The following SNX3 variants were observed in gnomAD, a reference collection of about 807,000 sequenced individuals.
SNX3 encodes the protein sorting nexin-3.
In SNX3, 5 loss-of-function variants were observed where a neutral mutation model predicts 17.7. The ratio of observed to expected loss-of-function variants is 0.28; its 90% CI spans 0.15 to 0.59. SNX3 has a LOEUF of 0.59. Ranked by LOEUF, SNX3 falls within the 20% of genes least tolerant of loss-of-function variation. SNX3 has a pLI of 0.88. For synonymous variants in SNX3, 91 were observed against 76.5 expected, an observed-to-expected ratio of 1.19 and a Z score of -0.99; for missense variants, 132 against 206.8, an observed-to-expected ratio of 0.64 and a Z score of 2.22.
At chr6:108,252,090 AC>A (rs68107708) in intron 1 of SNX3, 10,263 of 147,772 alleles carry the variant, frequency 0.069, 525 homozygotes, top group Admixed American at 0.15. Flanking sequence ...AATAAAACAA[AC>A]AAACAAACAA....
chr6:108,225,395 A>AAGACCAGCCTGGGCAAG (rs956915661), intron 1 of SNX3, among the ~76,000 whole-genome samples: 3 of 151,956 alleles, frequency 2.0e-5, no homozygotes, highest in Non-Finnish European at 4.4e-5. Flanking sequence ...TCAGGAGTTC[A>AAGACCAGCCTGGGCAAG]AGACCAGCCT....
At chr6:108,254,136 A>G (rs1775960797) in intron 1 of SNX3, among the ~76,000 whole-genome samples, 1 of 151,552 alleles carries the variant, frequency 6.6e-6, no homozygotes, top group South Asian at 2.1e-4. Context: ...CAAAGAAAAA[A>G]AAAAAAACCG....
At chr6:108,226,329 C>T (rs1349666416) in intron 1 of SNX3, among the ~76,000 whole-genome samples, 2 of 152,144 alleles carry the variant, frequency 1.3e-5, no homozygotes, top group Non-Finnish European at 2.9e-5. Flanking sequence ...CTGTATTGGA[C>T]TCCCAAAGTG....
At chr6:108,250,642 G>C (rs187980019) in intron 1 of SNX3, among the ~76,000 whole-genome samples, 9 of 152,234 alleles carry the variant, frequency 5.9e-5, no homozygotes, top group Admixed American at 2.0e-4. Context: ...AGAGGGGTGA[G>C]ATACCAAGAC....
At chr6:108,254,901 A>G (rs942836696) in intron 1 of SNX3, among the ~76,000 whole-genome samples, 1 of 152,234 alleles carries the variant, frequency 6.6e-6, no homozygotes, top group Admixed American at 6.5e-5. Flanking sequence ...AAAAGAACTC[A>G]GCTTAATTGG....
chr6:108,222,328 G>T (rs977566703), intron 2 of SNX3: 1 of 1,303,782 alleles, frequency 7.7e-7, no homozygotes, highest in Non-Finnish European at 1.0e-6. Context: ...GGGCTGAAAT[G>T]AGAGACACCA....
chr6:108,231,258 TG>T (rs1221304029), intron 1 of SNX3, among the ~76,000 whole-genome samples: 1 of 152,148 alleles, frequency 6.6e-6, no homozygotes, highest in African/African-American at 2.4e-5. Context: ...GCTAATTTTT[TG>T]TATCTTTAGT....
At chr6:108,214,427 T>C in intron 3 of SNX3, 71 bp downstream of exon 3, 1 of 1,493,340 alleles carries the variant, frequency 6.7e-7, no homozygotes. Flanking sequence ...ACAGTGCAGT[T>C]TAGCTTAACA....
intron 1 of SNX3, among the ~76,000 whole-genome samples, chr6:108,259,166 T>C (rs927317235): frequency 1.3e-5 from 2 of 152,242 alleles, no homozygotes; most frequent in African/African-American, 4.8e-5. Context: ...TGTATGAATG[T>C]AGTTCCCCAG....
intron 1 of SNX3, among the ~76,000 whole-genome samples, chr6:108,246,318 T>A (rs1775688897): frequency 8.8e-6 from 1 of 113,048 alleles, no homozygotes; most frequent in South Asian, 4.2e-4. Context: ...GCATTCTTTT[T>A]TTTTTTTTTT....
chr6:108,230,280 A>T (rs1188543308), intron 1 of SNX3, among the ~76,000 whole-genome samples: 1 of 152,066 alleles, frequency 6.6e-6, no homozygotes, highest in African/African-American at 2.4e-5. Flanking sequence ...TTTCCCCCTA[A>T]TTTTAAGAGA....
Position 108,234,444 on chromosome 6 carries a change from C to T in SNX3, c.163-11399G>A, listed in dbSNP as rs556835886. ...GCATGTGCCTGTAGTTCCAGCTACT[C>T]GGAGGCTGAGGCAGGAGAATCGCTT... is the stretch of plus-strand genomic sequence containing the variant. On this transcript the variant is annotated intron_variant, in intron 1 of 3. Coordinates refer to ENST00000230085, the MANE Select transcript of SNX3 (RefSeq NM_003795.6). Among the ~76,000 whole-genome samples the T allele has an allele frequency of 1.9e-3, 286 of 151,794 alleles. 2 individuals are homozygous for T. The highest frequency in any genetic ancestry group is 6.6e-3 in the African/African-American group (273 of 41,388).
At chr6:108,232,061 G>GA (rs541257848) in intron 1 of SNX3, among the ~76,000 whole-genome samples, 4 of 152,240 alleles carry the variant, frequency 2.6e-5, no homozygotes, top group African/African-American at 9.6e-5. Flanking sequence ...CTTGGCTTAT[G>GA]AAAAAGTGAT....
chr6:108,242,562 C>T (rs1169487077), intron 1 of SNX3, among the ~76,000 whole-genome samples: 4 of 152,178 alleles, frequency 2.6e-5, no homozygotes, highest in African/African-American at 9.7e-5. Flanking sequence ...CCCTATCCAG[C>T]GTGGTAGGCT....
chr6:108,234,918 G>C (rs76688125), intron 1 of SNX3, among the ~76,000 whole-genome samples: 186 of 152,234 alleles, frequency 1.2e-3, no homozygotes, highest in African/African-American at 4.3e-3. Context: ...TACAGATCCA[G>C]GGAGTTTAAA....
intron 1 of SNX3, among the ~76,000 whole-genome samples, chr6:108,254,810 T>C (rs1430114338): frequency 6.6e-6 from 1 of 152,144 alleles, no homozygotes; most frequent in Non-Finnish European, 1.5e-5. Context: ...TCCTGCAGGA[T>C]AAGTGATAGT....
chr6:108,232,840 G>A (rs1039247980), intron 1 of SNX3, among the ~76,000 whole-genome samples: 1 of 152,162 alleles, frequency 6.6e-6, no homozygotes, highest in Non-Finnish European at 1.5e-5. Context: ...TTTGATACCT[G>A]TTTTACCCAA....
chr6:108,227,472 T>G (rs551171115), intron 1 of SNX3, among the ~76,000 whole-genome samples: 8 of 152,320 alleles, frequency 5.3e-5, no homozygotes, highest in Middle Eastern at 3.4e-3. Flanking sequence ...TTTTGAACTT[T>G]TGACACAATC....
intron 1 of SNX3, among the ~76,000 whole-genome samples, chr6:108,259,782 A>AT (rs1316986979): frequency 6.6e-6 from 1 of 152,168 alleles, no homozygotes; most frequent in Non-Finnish European, 1.5e-5. Flanking sequence ...GTTAATGAGA[A>AT]TTTTTTCACT....
Sources: gnomAD v4.1 joint callset for allele counts (sites outside exome capture counted in the v4.1 genomes callset) on GRCh38, gnomAD v4.1.1 for gene constraint, MANE v1.5 for transcripts, NCBI Gene and HGNC (gene_info 2026-07-23, HGNC 2026-07-21) for gene names.